The following KLHL29 variants were observed in gnomAD, a reference collection of about 807,000 sequenced individuals.
The protein encoded by KLHL29 is kelch like family member 29.
In KLHL29, 21 loss-of-function variants were observed where a neutral mutation model predicts 80.4. The observed-to-expected ratio is 0.26, with a 90% CI of 0.19 to 0.38. The LOEUF (loss-of-function observed/expected upper bound fraction) is 0.38, where lower values mean the gene tolerates loss of function less well. Ranked by LOEUF, KLHL29 falls within the 10% of genes least tolerant of loss-of-function variation. KLHL29 has a pLI of 1.00. For missense variants in KLHL29, 867 were observed against 1,223.9 expected, an observed-to-expected ratio of 0.71 and a Z score of 4.35; for synonymous variants, 511 against 526.8, an observed-to-expected ratio of 0.97 and a Z score of 0.41.
intron 13 of KLHL29, 135 bp from the exon 14 acceptor site, chr2:23,706,346 A>C (rs190249877): frequency 3.2e-6 from 2 of 626,262 alleles, no homozygotes; most frequent in East Asian, 6.8e-5. Context: ...TAGAGGGCAA[A>C]GAAGGGCAGC....
chr2:23,475,345 G>T (rs1272270742), intron 1 of KLHL29, among the ~76,000 whole-genome samples: 1 of 103,416 alleles, frequency 9.7e-6, no homozygotes, highest in Non-Finnish European at 2.0e-5. Flanking sequence ...CTTTGCATGT[G>T]CTGGCAGAGT....
At chr2:23,516,895 C>G (rs1572371051) in intron 2 of KLHL29, among the ~76,000 whole-genome samples, 1 of 152,218 alleles carries the variant, frequency 6.6e-6, no homozygotes, top group East Asian at 1.9e-4. Context: ...CAGAGCAGAA[C>G]CAAGTCTTGC....
At chr2:23,705,544 G>C (rs929463049) in intron 13 of KLHL29, among the ~76,000 whole-genome samples, 4 of 152,098 alleles carry the variant, frequency 2.6e-5, no homozygotes, top group Non-Finnish European at 4.4e-5. Flanking sequence ...AGTTAAGCTG[G>C]GTCTTGCAAG....
intron 3 of KLHL29, among the ~76,000 whole-genome samples, chr2:23,588,755 C>T (rs1245237010): frequency 6.6e-6 from 1 of 152,220 alleles, no homozygotes; most frequent in Non-Finnish European, 1.5e-5. Context: ...GCTGTACCGG[C>T]AGGTGGACTG....
chr2:23,615,524 C>G (rs552346303), intron 3 of KLHL29, among the ~76,000 whole-genome samples: 29 of 152,138 alleles, frequency 1.9e-4, no homozygotes, highest in Non-Finnish European at 3.1e-4. Context: ...CCAGGGAGGA[C>G]GTCCCCGGGC....
intron 2 of KLHL29, chr2:23,532,465 A>C (rs1390336529): frequency 4.7e-5 from 20 of 425,372 alleles, no homozygotes; most frequent in Admixed American, 2.7e-4. Context: ...CCAGGGCAGC[A>C]CCCAGGGCGG....
At chr2:23,524,445 G>C (rs1464444903) in intron 2 of KLHL29, 1 of 170,696 alleles carries the variant, frequency 5.9e-6, no homozygotes, top group Non-Finnish European at 1.3e-5. Flanking sequence ...TCACGGTGAT[G>C]GATGTTCATG....
intron 3 of KLHL29, among the ~76,000 whole-genome samples, chr2:23,614,065 C>G (rs1044115872): frequency 6.6e-6 from 1 of 152,152 alleles, no homozygotes; most frequent in African/African-American, 2.4e-5. Flanking sequence ...GAGATAGATG[C>G]GTATCTGACG....
intron 1 of KLHL29, among the ~76,000 whole-genome samples, chr2:23,452,912 C>CACACACA (rs554453898): frequency 6.7e-6 from 1 of 150,162 alleles, no homozygotes; most frequent in East Asian, 2.0e-4. Context: ...ACCCCCCCGC[C>CACACACA]CACACACACA....
intron 1 of KLHL29, among the ~76,000 whole-genome samples, chr2:23,425,130 T>C (rs990715267): frequency 1.3e-5 from 2 of 152,250 alleles, no homozygotes; most frequent in African/African-American, 4.8e-5. Context: ...CTTTTAATGC[T>C]CATTTAATAT....
At chr2:23,467,167 C>T (rs1298296984) in intron 1 of KLHL29, among the ~76,000 whole-genome samples, 3 of 152,222 alleles carry the variant, frequency 2.0e-5, no homozygotes, top group Non-Finnish European at 4.4e-5. Context: ...TGGGTACCTC[C>T]GTGCTGACTG....
intron 2 of KLHL29, among the ~76,000 whole-genome samples, chr2:23,541,079 T>C (rs1666818898): frequency 6.6e-6 from 1 of 152,182 alleles, no homozygotes; most frequent in Non-Finnish European, 1.5e-5. Flanking sequence ...GATCCTACTA[T>C]CAGATAAAGG....
Position 23,503,575 on chromosome 2 carries a change from C to T in KLHL29, c.-46+27908C>T, listed in dbSNP as rs1299392517. Among the ~76,000 whole-genome samples the T allele has an allele frequency of 6.6e-6, 1 of 151,528 alleles. No homozygotes were observed. Among genetic ancestry groups the T allele is most frequent in the Admixed American group, 6.6e-5 (1 of 15,230 alleles). On this transcript the variant is annotated intron_variant, in intron 2 of 13. Coordinates refer to ENST00000486442, the MANE Select transcript of KLHL29 (RefSeq NM_052920.2). This position sits in a 1 kb window ranked among gnomAD's most constrained non-coding sequence, Gnocchi z 4.0. Reference sequence around the variant, plus strand: ...GTCCCTGCCGCTACACACCACGAGCCCACCGAGACTGCTGCAGCCTCGCTC... The same window carrying T: ...GTCCCTGCCGCTACACACCACGAGCTCACCGAGACTGCTGCAGCCTCGCTC...
chr2:23,468,855 C>A (rs1442549575), intron 1 of KLHL29, among the ~76,000 whole-genome samples: 1 of 152,210 alleles, frequency 6.6e-6, no homozygotes, highest in Non-Finnish European at 1.5e-5. Flanking sequence ...AACACAGAAG[C>A]CCTGCTCTCT....
chr2:23,434,395 A>G (rs1278177051), intron 1 of KLHL29, among the ~76,000 whole-genome samples: 10 of 89,536 alleles, frequency 1.1e-4, no homozygotes, highest in African/African-American at 3.6e-4. Flanking sequence ...GGGCTCTGAC[A>G]AAGTGCAGAG....
chr2:23,640,484 C>T (rs1255081862), intron 4 of KLHL29, among the ~76,000 whole-genome samples: 1 of 152,154 alleles, frequency 6.6e-6, no homozygotes, highest in Non-Finnish European at 1.5e-5. Context: ...GGCTCTCTGG[C>T]TAATCCTGGA....
chr2:23,437,128 A>C (rs1663367829), intron 1 of KLHL29, among the ~76,000 whole-genome samples: 1 of 152,228 alleles, frequency 6.6e-6, no homozygotes, highest in Non-Finnish European at 1.5e-5. Flanking sequence ...ATGTGTGGGC[A>C]AAGTGTACTA....
intron 2 of KLHL29, among the ~76,000 whole-genome samples, chr2:23,527,537 G>T (rs1251293264): frequency 6.6e-6 from 1 of 152,016 alleles, no homozygotes; most frequent in Non-Finnish European, 1.5e-5. Flanking sequence ...GCAGAACTTA[G>T]AGGCTGTGAG....
chr2:23,634,991 G>A (rs929887751), intron 3 of KLHL29, among the ~76,000 whole-genome samples: 1 of 152,168 alleles, frequency 6.6e-6, no homozygotes, highest in African/African-American at 2.4e-5. Context: ...AGGCCCTGGG[G>A]GCAGTGCATT....
Sources: allele counts gnomAD v4.1 joint callset (sites outside exome capture counted in the v4.1 genomes callset), GRCh38; gene constraint gnomAD v4.1.1; non-coding constraint Gnocchi (gnomAD v3.1); transcripts MANE v1.5; gene names NCBI Gene and HGNC (gene_info 2026-07-23, HGNC 2026-07-21).